Variants in DNAH7 observed in about 807,000 individuals in gnomAD.
DNAH7 encodes dynein axonemal heavy chain 7.
In DNAH7, 397 loss-of-function variants were observed where a neutral mutation model predicts 444.6. That is an observed-to-expected ratio of 0.89 (90% CI 0.82 to 0.97). The LOEUF (loss-of-function observed/expected upper bound fraction) is 0.97. Among genes scored for constraint, DNAH7 ranks in the 50% least tolerant of loss-of-function variants. DNAH7 has a pLI of 0.00. For synonymous variants in DNAH7, 1,636 were observed against 1,624.4 expected (o/e 1.01, Z -0.17); for missense variants, 4,902 against 4,800.8 (o/e 1.02, Z -0.62).
Position 195,816,881 on chromosome 2 carries a change from T to C in DNAH7, c.9508A>G (p.Lys3170Glu). Reference protein sequence around the residue: ...GNILEDETAIKILSSSKALAN... With the variant: ...GNILEDETAIEILSSSKALAN... ...AAGGCCTTGGAGGAAGATAATATCT[T>C]AATAGCAGTTTCATCTTCTAATATA... The change falls in exon 51 of 65, where the codon AAG becomes GAG. Residue 3170 changes from lysine (K) to glutamate (E), a missense_variant. Lys to Glu is a moderately conservative substitution (Grantham distance 56). Transcript: ENST00000312428. The C allele has an allele frequency of 1.2e-6, 2 of 1,614,130 alleles. No individual in the cohort carries two copies. The highest frequency in any genetic ancestry group is 1.7e-6 in the Non-Finnish European group (2 of 1,179,970).
chr2:195,986,212 T>G (rs958490545), intron 14 of DNAH7, among the ~76,000 whole-genome samples: 1 of 152,204 alleles, frequency 6.6e-6, no homozygotes, highest in Non-Finnish European at 1.5e-5. Context: ...CAGTACTTAT[T>G]GCATGGTATT....
chr2:195,992,009 A>G (rs1693372089), intron 12 of DNAH7, among the ~76,000 whole-genome samples: 1 of 152,240 alleles, frequency 6.6e-6, no homozygotes, highest in African/African-American at 2.4e-5. Flanking sequence ...CAATAAATAC[A>G]GCATTACCTT....
In DNAH7 at chr2:196,002,751, T is replaced by C. The variant is rs1694118921; in HGVS notation, c.990-893A>G. Among the ~76,000 whole-genome samples, 4 of 152,264 alleles carry C rather than the reference T, an allele frequency of 2.6e-5. 1 individual carries two copies. The South Asian group carries it at 8.3e-4, about 32-fold the overall frequency. On this transcript the variant is annotated intron_variant, in intron 10 of 64. Transcript: ENST00000312428. ...GGCTGGGTGCAGTGGCTCACACCTG[T>C]AGTCTCACCACTTTGGGAGGCCAAG...
chr2:196,010,038 T>C (rs1184347359), intron 10 of DNAH7, among the ~76,000 whole-genome samples: 1 of 152,158 alleles, frequency 6.6e-6, no homozygotes, highest in Non-Finnish European at 1.5e-5. Flanking sequence ...AAATGGCTAC[T>C]ATCAAAAGTA....
intron 63 of DNAH7, among the ~76,000 whole-genome samples, chr2:195,750,241 G>A (rs930967844): frequency 3.5e-4 from 53 of 152,016 alleles, no homozygotes; most frequent in Admixed American, 2.0e-4. Context: ...GTAAATCAAC[G>A]TAAAAATAAA....
At chr2:196,052,300 T>C (rs1355976397) in intron 2 of DNAH7, among the ~76,000 whole-genome samples, 2 of 152,198 alleles carry the variant, frequency 1.3e-5, no homozygotes, top group African/African-American at 2.4e-5. Context: ...GGCTGCTCCT[T>C]ATATCTGCTA....
At chr2:195,983,609 C>T (rs1478672589) in intron 15 of DNAH7, among the ~76,000 whole-genome samples, 3 of 152,194 alleles carry the variant, frequency 2.0e-5, no homozygotes, top group Non-Finnish European at 4.4e-5. Flanking sequence ...TACTAGGCCC[C>T]ACCTCCAACA....
chr2:195,794,707 C>A (rs1428205876), intron 56 of DNAH7, among the ~76,000 whole-genome samples, 169 bp from the exon 57 acceptor site: 1 of 152,192 alleles, frequency 6.6e-6, no homozygotes, highest in Admixed American at 6.5e-5. Context: ...GCTCCTAAAA[C>A]AATAACACCT....
chr2:195,904,139 A>G (rs1686873105), intron 27 of DNAH7: 1 of 152,288 alleles, frequency 6.6e-6, no homozygotes, highest in Non-Finnish European at 1.5e-5. Flanking sequence ...GAGAAACAGA[A>G]TCCATCACTC....
intron 58 of DNAH7, among the ~76,000 whole-genome samples, chr2:195,786,377 T>C (rs1431457973): frequency 2.0e-5 from 3 of 152,324 alleles, no homozygotes; most frequent in South Asian, 4.1e-4. Context: ...ATTTACCAAG[T>C]GCTTCTTCAA....
At chr2:195,894,903 T>G in intron 30 of DNAH7, 73 bp downstream of exon 30, 2 of 1,336,266 alleles carry the variant, frequency 1.5e-6, no homozygotes, top group Non-Finnish European at 2.0e-6. Context: ...GAATGCATCT[T>G]TTAAAATAAT....
chr2:196,014,157 G>C (rs1336981139), intron 9 of DNAH7, among the ~76,000 whole-genome samples: 2 of 152,134 alleles, frequency 1.3e-5, no homozygotes, highest in Non-Finnish European at 2.9e-5. Flanking sequence ...AATACTACCA[G>C]ACACTGTTCT....
chr2:195,994,291 C>G (rs554186349), intron 12 of DNAH7: 1 of 434,556 alleles, frequency 2.3e-6, no homozygotes, highest in Admixed American at 3.4e-5. Context: ...TTTTCCAAAT[C>G]ATCAGCATCA....
chr2:195,942,992 TGGGTTTTTCC>T (rs1321979778), intron 19 of DNAH7, among the ~76,000 whole-genome samples: 1 of 151,996 alleles, frequency 6.6e-6, no homozygotes, highest in Admixed American at 6.6e-5. Context: ...ATCATCGGGG[TGGGTTTTTCC>T]TGTGCTGTTC....
At chr2:195,850,607 C>T (rs1574561878) in intron 46 of DNAH7, among the ~76,000 whole-genome samples, 3 of 152,090 alleles carry the variant, frequency 2.0e-5, no homozygotes, top group Admixed American at 1.3e-4. Flanking sequence ...AAATAATTGA[C>T]GACTACTCAG....
chr2:195,793,651 G>C (rs1462277567), intron 57 of DNAH7, among the ~76,000 whole-genome samples: 1 of 152,124 alleles, frequency 6.6e-6, no homozygotes, highest in Non-Finnish European at 1.5e-5. Context: ...TTTAATGAAA[G>C]TACTTCTTTA....
intron 54 of DNAH7, among the ~76,000 whole-genome samples, chr2:195,806,070 G>A (rs1487933887): frequency 6.6e-6 from 1 of 150,702 alleles, no homozygotes; most frequent in Admixed American, 6.6e-5. Flanking sequence ...GGACAACTAG[G>A]ATATTTTCTC....
At position 195,873,045 on chromosome 2, in the gene DNAH7, G is replaced by A. The variant is rs144155562; in HGVS notation, c.6413+523C>T. 1.4e-4 allele frequency among the ~76,000 whole-genome samples: 22 copies of A among 152,310 alleles called. No homozygotes were observed. In the East Asian group the frequency reaches 4.1e-3, roughly 28 times the overall value. ...ATTGCCTATATTTAACTTCTGGTTTGTCTAGGAGCCAGGTGTTTACTCCAT... is the reference window on the plus strand; with the variant it reads ...ATTGCCTATATTTAACTTCTGGTTTATCTAGGAGCCAGGTGTTTACTCCAT... On this transcript the variant is annotated intron_variant, in intron 39 of 64. Coordinates refer to ENST00000312428, the MANE Select transcript of DNAH7 (RefSeq NM_018897.3).
chr2:196,013,263 T>A (rs1013569830), intron 9 of DNAH7, among the ~76,000 whole-genome samples: 3 of 152,060 alleles, frequency 2.0e-5, no homozygotes, highest in African/African-American at 7.2e-5. Context: ...AAAGAAAAAA[T>A]TGCAGCCTCT....
Sources: gnomAD v4.1 joint callset for allele counts (sites outside exome capture counted in the v4.1 genomes callset) on GRCh38, gnomAD v4.1.1 for gene constraint, MANE v1.5 for transcripts, NCBI Gene and HGNC (gene_info 2026-07-23, HGNC 2026-07-21) for gene names.